Variants in NIN observed in about 807,000 individuals in gnomAD.
NIN encodes the protein ninein.
Under a neutral mutation model 257.6 loss-of-function variants are expected in NIN, and 137 were observed. The ratio of observed to expected loss-of-function variants is 0.53; its 90% CI spans 0.46 to 0.61. NIN has a LOEUF of 0.61. NIN is among the 20% of genes least tolerant of loss of function. The probability of loss-of-function intolerance (pLI) is 0.00; values close to 1 mark genes in which losing one functional copy is unlikely to be tolerated. For synonymous variants in NIN, 918 were observed against 919.8 expected, an observed-to-expected ratio of 1.00 and a Z score of 0.04; for missense variants, 2,439 against 2,501.2, an observed-to-expected ratio of 0.98 and a Z score of 0.53.
chr14:50,758,067 A>G lies in NIN; in HGVS notation c.2963T>C (p.Leu988Pro). The change falls in exon 18 of 31, where the codon CTA becomes CCA. Residue 988 changes from leucine to proline, a missense_variant. By Grantham distance (98) the Leu-to-Pro change is moderately conservative (BLOSUM62 -3). This residue lies in a region of NIN where 2,043 missense variants were observed against 2,050.2 expected (regional missense o/e 1.00). Coordinates refer to ENST00000530997, the MANE Select transcript of NIN (RefSeq NM_020921.4). Reference sequence around the variant, plus strand: ...CGCTTTGTGAATGTTCTCCATGGCTAGAAGCTTGGACATCATTTCCTGCCT... The same window carrying G: ...CGCTTTGTGAATGTTCTCCATGGCTGGAAGCTTGGACATCATTTCCTGCCT... ...QERQEMMSKL[L>P]AMENIHKATC... 1 of 1,614,182 alleles carries G rather than the reference A, an allele frequency of 6.2e-7. No individual in the cohort carries two copies. The highest frequency in any genetic ancestry group is 8.5e-7 in the Non-Finnish European group (1 of 1,180,046).
At chr14:50,749,657 T>G (rs550371787) in intron 21 of NIN, among the ~76,000 whole-genome samples, 1 of 152,294 alleles carries the variant, frequency 6.6e-6, no homozygotes. Context: ...CAGCTTAAAT[T>G]TTTATATCAA....
chr14:50,766,828 A>G lies in NIN; in HGVS notation c.1497T>C (p.Asn499=), dbSNP rs1371683389. The G allele has an allele frequency of 6.2e-7, 1 of 1,613,970 alleles. No individual in the cohort carries two copies. Among genetic ancestry groups the G allele is most frequent in the Non-Finnish European group, 8.5e-7 (1 of 1,179,952 alleles). ...AATTTCTCTGAAGTTTGTTTGTCAG[A>G]TTCTCATATTCTGCCAACTTCTCTG... ...ENAEKLAEYE[N]LTNKLQRNLE... Residue 499 remains asparagine, a synonymous_variant, in exon 13 of 31, where the codon AAT becomes AAC. Coordinates refer to ENST00000530997, the MANE Select transcript of NIN (RefSeq NM_020921.4).
At chr14:50,812,680 A>T (rs563005722) in intron 3 of NIN, among the ~76,000 whole-genome samples, 1 of 152,160 alleles carries the variant, frequency 6.6e-6, no homozygotes, top group Non-Finnish European at 1.5e-5. Flanking sequence ...AATAGGGAGG[A>T]AAAGAGGGAC....
At chr14:50,771,123 A>G in intron 10 of NIN, 131 bp from the exon 11 acceptor site, 1 of 1,221,120 alleles carries the variant, frequency 8.2e-7, no homozygotes. Flanking sequence ...CAAAGCAAAA[A>G]GGCACTCCAC....
At chr14:50,730,579 C>T (rs2040642637) in intron 28 of NIN, among the ~76,000 whole-genome samples, 2 of 147,610 alleles carry the variant, frequency 1.4e-5, no homozygotes, top group Non-Finnish European at 3.0e-5. Context: ...GTCAGAGCCA[C>T]TATCCATTTC....
intron 20 of NIN, 117 bp from the exon 21 acceptor site, chr14:50,752,850 A>G (rs1000616939): frequency 3.6e-6 from 2 of 550,986 alleles, no homozygotes; most frequent in African/African-American, 3.9e-5. Context: ...TTTAAAATAT[A>G]TATATATTTC....
chr14:50,774,319 T>C (rs765714403), intron 7 of NIN, among the ~76,000 whole-genome samples: 6 of 152,236 alleles, frequency 3.9e-5, no homozygotes, highest in Non-Finnish European at 5.9e-5. Context: ...GTTGATTTCA[T>C]TCTTCATGTA....
At chr14:50,820,247 G>A (rs1457852236) in intron 3 of NIN, among the ~76,000 whole-genome samples, 1 of 152,186 alleles carries the variant, frequency 6.6e-6, no homozygotes, top group Non-Finnish European at 1.5e-5. Context: ...AAGCAGGCTG[G>A]TAGTGTCAAG....
At chr14:50,769,626 G>A (rs1228951339) in intron 12 of NIN, among the ~76,000 whole-genome samples, 1 of 152,068 alleles carries the variant, frequency 6.6e-6, no homozygotes, top group Admixed American at 6.5e-5. Flanking sequence ...TCAGCCTCCT[G>A]CGTAGCTGGG....
At chr14:50,727,726 A>ACTGCTCG (rs754154168) in intron 29 of NIN, 4 of 1,432,572 alleles carry the variant, frequency 2.8e-6, no homozygotes, top group Non-Finnish European at 3.8e-6. Context: ...ATCTGCGTGC[A>ACTGCTCG]CTGCTCGCTG....
In NIN at chr14:50,821,925, C is replaced by A; in HGVS notation, c.132G>T (p.Glu44Asp). 6.2e-7 allele frequency: 1 copy of A among 1,614,172 alleles called. No individual in the cohort carries two copies. Among genetic ancestry groups the A allele is most frequent in the Middle Eastern group, 1.6e-4 (1 of 6,062 alleles). The change falls in exon 3 of 31, where the codon GAG (glutamate) becomes GAT (aspartate). Residue 44 changes from glutamate to aspartate, a missense_variant. Glu to Asp is a conservative substitution (Grantham distance 45). Around this residue, in one of 3 missense-constraint regions of NIN, gnomAD observed 387 missense variants for 427.3 expected, o/e 0.91. Coordinates refer to ENST00000530997, the MANE Select transcript of NIN (RefSeq NM_020921.4). ...ATGTCTGCTGCAGCACTGGGGCCACCTCCTCCAAGCTCAACATGTGGCAAA... is the reference window on the plus strand; with the variant it reads ...ATGTCTGCTGCAGCACTGGGGCCACATCCTCCAAGCTCAACATGTGGCAAA... ...TDLCHMLSLE[E>D]VAPVLQQTLL...
intron 28 of NIN, among the ~76,000 whole-genome samples, chr14:50,730,434 A>G (rs1279047084): frequency 1.3e-5 from 2 of 152,148 alleles, no homozygotes; most frequent in African/African-American, 2.4e-5. Context: ...GAGGCAGGCC[A>G]CCTCACATCT....
At chr14:50,804,442 T>C (rs1376914639) in intron 4 of NIN, among the ~76,000 whole-genome samples, 1 of 152,202 alleles carries the variant, frequency 6.6e-6, no homozygotes, top group African/African-American at 2.4e-5. Flanking sequence ...ATGCTATCAA[T>C]AAGTACTTTT....
chr14:50,825,064 A>G (rs886569985), intron 2 of NIN, among the ~76,000 whole-genome samples: 1 of 152,246 alleles, frequency 6.6e-6, no homozygotes, highest in Admixed American at 6.5e-5. Flanking sequence ...CATGAGAATA[A>G]CAATATCCAT....
At chr14:50,815,547 C>T (rs759624129) in intron 3 of NIN, among the ~76,000 whole-genome samples, 5 of 152,066 alleles carry the variant, frequency 3.3e-5, no homozygotes, top group Non-Finnish European at 5.9e-5. Flanking sequence ...TAAGTATATA[C>T]CCAAAGGAAT....
chr14:50,809,336 C>T (rs1417762937), intron 3 of NIN, among the ~76,000 whole-genome samples: 1 of 152,138 alleles, frequency 6.6e-6, no homozygotes, highest in Non-Finnish European at 1.5e-5. Flanking sequence ...GGTCTGAGGG[C>T]CTGCCTTCTC....
intron 28 of NIN, among the ~76,000 whole-genome samples, chr14:50,732,074 C>A (rs568659175): frequency 1.3e-5 from 2 of 152,108 alleles, no homozygotes; most frequent in African/African-American, 2.4e-5. Flanking sequence ...CCGAAGTAGG[C>A]GTCAAATTCT....
At chr14:50,730,880 A>T (rs1448514947) in intron 28 of NIN, 1 of 1,313,744 alleles carries the variant, frequency 7.6e-7, no homozygotes, top group Non-Finnish European at 1.0e-6. Flanking sequence ...GTTTAATGAG[A>T]TGGCTCCATG....
chr14:50,727,088 TA>T (rs1002066948), intron 29 of NIN: 273 of 280,622 alleles, frequency 9.7e-4, no homozygotes, highest in Middle Eastern at 1.7e-3. Flanking sequence ...GGCCTATATT[TA>T]AAAAAAAATA....
Sources: allele counts gnomAD v4.1 joint callset (sites outside exome capture counted in the v4.1 genomes callset), GRCh38; gene constraint gnomAD v4.1.1; regional missense constraint gnomAD v4.1.1; transcripts MANE v1.5; gene names NCBI Gene and HGNC (gene_info 2026-07-23, HGNC 2026-07-21).